ADAMTSL1: variants seen among roughly 807,000 people sequenced by gnomAD.
The protein encoded by ADAMTSL1 is ADAMTS like 1, also known as ADAMTS-like protein 1.
In ADAMTSL1, 126 loss-of-function variants were observed where a neutral mutation model predicts 201.8. The observed-to-expected ratio is 0.62, with a 90% CI of 0.54 to 0.72. The LOEUF is 0.72. Ranked by LOEUF, ADAMTSL1 falls within the 30% of genes least tolerant of loss-of-function variation. ADAMTSL1 has a pLI of 0.00. For missense variants in ADAMTSL1, 2,679 were observed against 2,277.8 expected (o/e 1.18, Z -3.59); for synonymous variants, 1,121 against 903.4 (o/e 1.24, Z -4.32).
intron 2 of ADAMTSL1, among the ~76,000 whole-genome samples, chr9:18,519,325 G>A (rs1461800210): frequency 6.6e-6 from 1 of 152,158 alleles, no homozygotes. Flanking sequence ...GTTAAACATA[G>A]GGTAAGAACC....
intron 21 of ADAMTSL1, among the ~76,000 whole-genome samples, chr9:18,822,608 T>C (rs571201643): frequency 1.5e-4 from 23 of 152,292 alleles, no homozygotes; most frequent in African/African-American, 5.5e-4. Flanking sequence ...AACTCTTTTC[T>C]GATGTAATGA....
At chr9:18,840,204 A>C (rs1331235991) in intron 23 of ADAMTSL1, among the ~76,000 whole-genome samples, 2 of 151,654 alleles carry the variant, frequency 1.3e-5, no homozygotes, top group African/African-American at 4.9e-5. Context: ...TCTTGAATTA[A>C]TTTTTGTATA....
At chr9:18,317,393 A>AACACACACACAC (rs57642851) in intron 2 of ADAMTSL1, among the ~76,000 whole-genome samples, 43 of 149,144 alleles carry the variant, frequency 2.9e-4, no homozygotes, top group African/African-American at 1.0e-3. Context: ...AAGTGTCCTC[A>AACACACACACAC]ACACACACAC....
chr9:18,181,830 A>G (rs1445728309), intron 2 of ADAMTSL1, among the ~76,000 whole-genome samples: 1 of 152,088 alleles, frequency 6.6e-6, no homozygotes, highest in Admixed American at 6.6e-5. Flanking sequence ...ATAAAGACAC[A>G]TGCACACGTA....
At chr9:18,610,534 G>A (rs1825304573) in intron 4 of ADAMTSL1, among the ~76,000 whole-genome samples, 1 of 152,134 alleles carries the variant, frequency 6.6e-6, no homozygotes. Context: ...GAAGGAAAAA[G>A]GGTTATATTT....
intron 13 of ADAMTSL1, among the ~76,000 whole-genome samples, chr9:18,690,178 C>T (rs886462873): frequency 6.6e-6 from 1 of 152,088 alleles, no homozygotes; most frequent in Non-Finnish European, 1.5e-5. Context: ...TAAGAGTCAC[C>T]ATGGTGATTC....
chr9:18,048,563 G>A (rs1046337238), intron 1 of ADAMTSL1, among the ~76,000 whole-genome samples: 11 of 152,086 alleles, frequency 7.2e-5, no homozygotes, highest in African/African-American at 1.7e-4. Context: ...GTTACTAATC[G>A]GGGAAATTGG....
chr9:18,649,427 G>A (rs957054998), intron 7 of ADAMTSL1, among the ~76,000 whole-genome samples: 1 of 152,200 alleles, frequency 6.6e-6, no homozygotes, highest in Non-Finnish European at 1.5e-5. Flanking sequence ...TCCGTTGCTG[G>A]TGAGGAGCTG....
chr9:18,297,081 G>C (rs1446208457), intron 2 of ADAMTSL1, among the ~76,000 whole-genome samples: 1 of 152,160 alleles, frequency 6.6e-6, no homozygotes, highest in Non-Finnish European at 1.5e-5. Flanking sequence ...TTTCCAACTG[G>C]AATTTGCTGG....
intron 2 of ADAMTSL1, among the ~76,000 whole-genome samples, chr9:18,182,219 C>T (rs1207699902): frequency 1.3e-5 from 2 of 149,962 alleles, no homozygotes; most frequent in Non-Finnish European, 3.0e-5. Context: ...AGCGCACCAG[C>T]ATGTCACATG....
intron 1 of ADAMTSL1, among the ~76,000 whole-genome samples, chr9:17,973,565 T>C (rs1208561101): frequency 6.3e-5 from 6 of 95,194 alleles, no homozygotes; most frequent in African/African-American, 1.2e-4. Context: ...TTGGTTACTG[T>C]AGCCTTGTAG....
intron 23 of ADAMTSL1, among the ~76,000 whole-genome samples, chr9:18,845,828 G>T (rs538291670): frequency 6.6e-6 from 1 of 152,332 alleles, no homozygotes; most frequent in African/African-American, 2.4e-5. Flanking sequence ...TATGAAAACT[G>T]TGTTTGGAAT....
intron 2 of ADAMTSL1, among the ~76,000 whole-genome samples, chr9:18,287,603 A>G (rs1281510844): frequency 2.7e-5 from 2 of 73,806 alleles, no homozygotes; most frequent in African/African-American, 7.9e-5. Context: ...ACACACATAT[A>G]TGCATATATG....
At chr9:17,971,619 A>C (rs1818208779) in intron 1 of ADAMTSL1, among the ~76,000 whole-genome samples, 1 of 151,968 alleles carries the variant, frequency 6.6e-6, no homozygotes, top group Non-Finnish European at 1.5e-5. Flanking sequence ...TTTCCATGTC[A>C]ACAGCTGTTA....
At chr9:18,393,172 A>G (rs1437515873) in intron 2 of ADAMTSL1, among the ~76,000 whole-genome samples, 1 of 152,262 alleles carries the variant, frequency 6.6e-6, no homozygotes, top group Non-Finnish European at 1.5e-5. Flanking sequence ...CAACTTACAC[A>G]GTCTATTATC....
intron 19 of ADAMTSL1, among the ~76,000 whole-genome samples, chr9:18,780,586 G>T (rs756945449): frequency 2.0e-5 from 3 of 152,038 alleles, no homozygotes; most frequent in Non-Finnish European, 4.4e-5. Context: ...TCTATAAAAA[G>T]TACAAGCCTC....
At chr9:18,059,529 A>T (rs1822355326) in intron 1 of ADAMTSL1, among the ~76,000 whole-genome samples, 1 of 152,150 alleles carries the variant, frequency 6.6e-6, no homozygotes, top group South Asian at 2.1e-4. Context: ...TTATCATATG[A>T]CTTTGATAGG....
At chr9:18,277,318 T>C (rs909552272) in intron 2 of ADAMTSL1, among the ~76,000 whole-genome samples, 1 of 152,222 alleles carries the variant, frequency 6.6e-6, no homozygotes, top group Non-Finnish European at 1.5e-5. Context: ...CTGGATGATC[T>C]ATCCATTATT....
At chr9:18,733,926 A>G (rs1818366506) in intron 15 of ADAMTSL1, among the ~76,000 whole-genome samples, 1 of 151,376 alleles carries the variant, frequency 6.6e-6, no homozygotes, top group African/African-American at 2.4e-5. Context: ...ATTCAACTCA[A>G]CTCAGCTAAG....
Sources: gnomAD v4.1 joint callset for allele counts (sites outside exome capture counted in the v4.1 genomes callset) on GRCh38, gnomAD v4.1.1 for gene constraint, MANE v1.5 for transcripts, NCBI Gene and HGNC (gene_info 2026-07-23, HGNC 2026-07-21) for gene names.